Variants in ADK observed in about 807,000 individuals in gnomAD.
ADK encodes N6,N6-dimethyladenosine kinase.
ADK carries 24 observed loss-of-function variants against 44.7 expected under a neutral mutation model. That is an observed-to-expected ratio of 0.54 (90% CI 0.39 to 0.76). ADK has a LOEUF of 0.76. Among genes scored for constraint, ADK ranks in the 30% least tolerant of loss-of-function variants. The pLI, the probability that ADK is intolerant of heterozygous loss-of-function variation, is 0.00. For synonymous variants in ADK, 128 were observed against 142.6 expected (o/e 0.90, Z 0.73); for missense variants, 321 against 425.1 (o/e 0.76, Z 2.15).
chr10:74,273,324 C>G (rs1379893512), intron 3 of ADK, among the ~76,000 whole-genome samples: 1 of 152,190 alleles, frequency 6.6e-6, no homozygotes, highest in Non-Finnish European at 1.5e-5. Context: ...CCATTTTGTT[C>G]AGGCCTGAGA....
intron 4 of ADK, among the ~76,000 whole-genome samples, chr10:74,343,565 G>C (rs1219950699): frequency 6.6e-6 from 1 of 152,104 alleles, no homozygotes; most frequent in African/African-American, 2.4e-5. Flanking sequence ...GTTCAAACCA[G>C]TGTTGTTCTG....
At chr10:74,555,544 G>A (rs1017375736) in intron 7 of ADK, among the ~76,000 whole-genome samples, 2 of 150,182 alleles carry the variant, frequency 1.3e-5, no homozygotes, top group African/African-American at 2.5e-5. Context: ...CCAGGAGTTC[G>A]AAGCTGCAGT....
At chr10:74,271,428 A>G (rs1301331116) in intron 3 of ADK, among the ~76,000 whole-genome samples, 1 of 151,690 alleles carries the variant, frequency 6.6e-6, no homozygotes, top group Non-Finnish European at 1.5e-5. Context: ...TATTATTATT[A>G]TACTTTAAGT....
At chr10:74,257,734 G>C (rs1845880372) in intron 3 of ADK, among the ~76,000 whole-genome samples, 1 of 152,100 alleles carries the variant, frequency 6.6e-6, no homozygotes, top group Non-Finnish European at 1.5e-5. Flanking sequence ...ATTTTGACAT[G>C]AAATGATTTC....
At chr10:74,517,430 T>C (rs1229818940) in intron 6 of ADK, among the ~76,000 whole-genome samples, 1 of 152,110 alleles carries the variant, frequency 6.6e-6, no homozygotes, top group Admixed American at 6.5e-5. Flanking sequence ...GGCTCACACC[T>C]GTAACCCCAG....
intron 3 of ADK, among the ~76,000 whole-genome samples, chr10:74,249,884 A>G (rs1845581256): frequency 6.6e-6 from 1 of 152,198 alleles, no homozygotes; most frequent in African/African-American, 2.4e-5. Flanking sequence ...GTAAAGCCCT[A>G]TTTTAGACAC....
At chr10:74,479,548 A>G (rs1846991027) in intron 6 of ADK, among the ~76,000 whole-genome samples, 1 of 152,000 alleles carries the variant, frequency 6.6e-6, no homozygotes, top group East Asian at 1.9e-4. Context: ...AGCTGCTGAT[A>G]TATTTGGCCT....
intron 4 of ADK, among the ~76,000 whole-genome samples, chr10:74,356,891 T>TC (rs1163547003): frequency 6.6e-6 from 1 of 152,056 alleles, no homozygotes; most frequent in African/African-American, 2.4e-5. Flanking sequence ...TACTGACATG[T>TC]CCCTCCCTGG....
At chr10:74,503,004 A>C (rs909996780) in intron 6 of ADK, among the ~76,000 whole-genome samples, 14 of 152,164 alleles carry the variant, frequency 9.2e-5, no homozygotes, top group Non-Finnish European at 1.5e-5. Flanking sequence ...ATTTTCTATT[A>C]ATATTTATCT....
At chr10:74,691,683 A>G (rs1405408207) in intron 10 of ADK, among the ~76,000 whole-genome samples, 1 of 138,808 alleles carries the variant, frequency 7.2e-6, no homozygotes, top group Non-Finnish European at 1.5e-5. Flanking sequence ...AAGACCATAA[A>G]CATACAACAA....
rs1018729994 is a variant in ADK at position 74,345,283 on chromosome 10, T to G, written c.273+30538T>G. Among the ~76,000 whole-genome samples the G allele has an allele frequency of 2.0e-5, 3 of 150,682 alleles. No individual in the cohort carries two copies. The East Asian group carries it at 5.8e-4, about 29-fold the overall frequency. On this transcript the variant is annotated intron_variant, in intron 4 of 10. Transcript: ENST00000539909. ...TAATATAGCCACTTTGTCTTTCTTG[T>G]GGGTGTTGTTTGCATCACGTATCTT...
At chr10:74,335,484 C>T (rs1841374275) in intron 4 of ADK, among the ~76,000 whole-genome samples, 1 of 152,188 alleles carries the variant, frequency 6.6e-6, no homozygotes, top group Non-Finnish European at 1.5e-5. Context: ...TCGTGATGTA[C>T]TGCACCTTGT....
intron 6 of ADK, among the ~76,000 whole-genome samples, chr10:74,463,801 CT>C: frequency 6.6e-6 from 1 of 151,906 alleles, no homozygotes; most frequent in African/African-American, 2.4e-5. Flanking sequence ...GGTATCTTGT[CT>C]TTTTTTTACG....
At chr10:74,572,619 C>T (rs1213827415) in intron 7 of ADK, among the ~76,000 whole-genome samples, 1 of 152,184 alleles carries the variant, frequency 6.6e-6, no homozygotes, top group East Asian at 1.9e-4. Context: ...GTTCCATTCT[C>T]CCCGTCACTT....
At chr10:74,246,051 C>T (rs537276371) in intron 3 of ADK, among the ~76,000 whole-genome samples, 1 of 152,066 alleles carries the variant, frequency 6.6e-6, no homozygotes, top group Admixed American at 6.5e-5. Flanking sequence ...TTATTGTCAG[C>T]CTGCATCAGT....
At chr10:74,550,552 A>T (rs1849997911) in intron 7 of ADK, among the ~76,000 whole-genome samples, 1 of 152,158 alleles carries the variant, frequency 6.6e-6, no homozygotes. Flanking sequence ...AGTGATAGGA[A>T]ATAATGGAAG....
chr10:74,695,470 A>ATGTG (rs1170812161), intron 10 of ADK, among the ~76,000 whole-genome samples: 1 of 139,196 alleles, frequency 7.2e-6, no homozygotes, highest in African/African-American at 2.9e-5. Context: ...TTGTATATAT[A>ATGTG]TATGTGTGTG....
intron 6 of ADK, among the ~76,000 whole-genome samples, chr10:74,412,793 T>C (rs967292904): frequency 6.6e-6 from 1 of 152,102 alleles, no homozygotes; most frequent in African/African-American, 2.4e-5. Context: ...CACAGTGGCT[T>C]ATGCCTGTAA....
intron 6 of ADK, among the ~76,000 whole-genome samples, chr10:74,419,756 A>G (rs181325869): frequency 6.6e-6 from 1 of 152,322 alleles, no homozygotes; most frequent in Admixed American, 6.5e-5. Context: ...ATGATAAAAC[A>G]TCGTTATTAC....
Sources: allele counts gnomAD v4.1 joint callset (sites outside exome capture counted in the v4.1 genomes callset), GRCh38; gene constraint gnomAD v4.1.1; transcripts MANE v1.5; gene names NCBI Gene and HGNC (gene_info 2026-07-23, HGNC 2026-07-21).